The following ARL2 variants were observed in gnomAD, a reference collection of about 807,000 sequenced individuals.
ARL2 encodes ARF like GTPase 2.
In ARL2, 11 loss-of-function variants were observed where a neutral mutation model predicts 22.0. The observed-to-expected ratio is 0.50, with a 90% CI of 0.31 to 0.83. The LOEUF (loss-of-function observed/expected upper bound fraction) is 0.83, where lower values mean the gene tolerates loss of function less well. Ranked by LOEUF, ARL2 falls within the 40% of genes least tolerant of loss-of-function variation. The probability of loss-of-function intolerance (pLI) is 0.04; values close to 1 mark genes in which losing one functional copy is unlikely to be tolerated. For synonymous variants in ARL2, 111 were observed against 100.8 expected, an observed-to-expected ratio of 1.10 and a Z score of -0.61; for missense variants, 216 against 243.2, an observed-to-expected ratio of 0.89 and a Z score of 0.74.
chr11:65,015,195 C>A (rs1036055640), intron 1 of ARL2, among the ~76,000 whole-genome samples: 1 of 152,168 alleles, frequency 6.6e-6, no homozygotes, highest in Non-Finnish European at 1.5e-5. Context: ...CTCGCTGCAA[C>A]CTCCGCCCCC....
chr11:65,021,747 C>T lies in ARL2; in HGVS notation c.447C>T (p.Ser149=). The T allele has an allele frequency of 1.9e-6, 3 of 1,608,160 alleles. No individual in the cohort carries two copies. Among genetic ancestry groups the T allele is most frequent in the Non-Finnish European group, 2.5e-6 (3 of 1,177,268 alleles). Residue 149 remains serine, a synonymous_variant, in exon 5 of 5, where the codon AGC becomes AGT. Transcript: ENST00000246747. Reference sequence around the variant, plus strand: ...TCCTGGAGCTGGACTCCATCCGCAGCCACCACTGGTGCATCCAGGGCTGCA... The same window carrying T: ...TCCTGGAGCTGGACTCCATCCGCAGTCACCACTGGTGCATCCAGGGCTGCA... The part of the protein sequence containing the change: ...REVLELDSIR[S]HHWCIQGCSA...
chr11:65,014,382 C>A, intron 1 of ARL2, 110 bp downstream of exon 1: 1 of 894,094 alleles, frequency 1.1e-6, no homozygotes, highest in Non-Finnish European at 1.6e-6. Flanking sequence ...TCCCAACTGC[C>A]CCTGGCGTCA....
chr11:65,018,995 C>T lies in ARL2; in HGVS notation c.339+262C>T, dbSNP rs1946294657. On this transcript the variant is annotated intron_variant, in intron 3 of 4. Transcript: ENST00000246747. The surrounding 1 kb of genome is among the most constrained non-coding windows in gnomAD (Gnocchi z 4.2). ...GAAATGGTGATGATGACACCCACAT[C>T]ACTGGGCTTTAGGGAGGATAACCCA... is the stretch of plus-strand genomic sequence containing the variant. The T allele has an allele frequency of 1.4e-6, 2 of 1,415,420 alleles. No homozygotes were observed. The highest frequency in any genetic ancestry group is 6.1e-5 in the East Asian group (2 of 32,956). The allele number at this position is 1,415,420 out of a possible 1,614,324, so 87.7% of individuals were successfully genotyped here.
In ARL2 at chr11:65,018,166, A is replaced by C. The variant is rs1481518879; in HGVS notation, c.66-198A>C. On this transcript the variant is annotated intron_variant, in intron 1 of 4. Transcript: ENST00000246747. This position sits in a 1 kb window ranked among gnomAD's most constrained non-coding sequence, Gnocchi z 4.2. ...GTCTGGCACATAGTAGGTGTTCAACAAATTAAGGAGCCTTTGGTCAGTAGA... is the reference window on the plus strand; with the variant it reads ...GTCTGGCACATAGTAGGTGTTCAACCAATTAAGGAGCCTTTGGTCAGTAGA... 6.6e-6 allele frequency among the ~76,000 whole-genome samples: 1 copy of C among 152,210 alleles called. No individual in the cohort carries two copies. Among genetic ancestry groups the C allele is most frequent in the Non-Finnish European group, 1.5e-5 (1 of 68,036 alleles).
At chr11:65,021,446 C>T (rs1946326333) in intron 4 of ARL2, 6 of 400,682 alleles carry the variant, frequency 1.5e-5, no homozygotes, top group Non-Finnish European at 2.3e-5. Flanking sequence ...GTGTGGGGCT[C>T]CTAGCACGAT....
chr11:65,018,313 G>C lies in ARL2; in HGVS notation c.66-51G>C. 1 of 1,496,726 alleles carries C rather than the reference G, an allele frequency of 6.7e-7. No homozygotes were observed. The highest frequency in any genetic ancestry group is 9.1e-7 in the Non-Finnish European group (1 of 1,097,406). 92.7% of individuals were successfully genotyped at this position (1,496,726 alleles called of 1,614,324 possible). On this transcript the variant is annotated intron_variant, in intron 1 of 4. Coordinates refer to ENST00000246747, the MANE Select transcript of ARL2 (RefSeq NM_001667.4). This position sits in a 1 kb window ranked among gnomAD's most constrained non-coding sequence, Gnocchi z 4.2. ...GTCCCCTAAGGGGCTCTGCAACAAT[G>C]TCACCACCTGGCAGAGAACAGGGAC...
chr11:65,018,406 C>T lies in ARL2; in HGVS notation c.108C>T (p.Phe36=), dbSNP rs765147433. The change falls in exon 2 of 5, where the codon TTC becomes TTT. Residue 36 remains phenylalanine, a synonymous_variant. Transcript: ENST00000246747. The surrounding 1 kb of genome is among the most constrained non-coding windows in gnomAD (Gnocchi z 4.2). The stretch of plus-strand genomic sequence containing the variant: ...GAAAGACAACCATCCTGAAGAAGTT[C>T]AATGGGGAGGACATCGACACCATCT... ...NAGKTTILKK[F]NGEDIDTISP... 9.3e-6 allele frequency: 15 copies of T among 1,609,294 alleles called. No homozygotes were observed. The Admixed American group carries it at 1.4e-4, about 15-fold the overall frequency.
Position 65,018,408 on chromosome 11 carries a change from A to G in ARL2, c.110A>G (p.Asn37Ser), listed in dbSNP as rs201673198. 8 of 1,609,766 alleles carry G rather than the reference A, an allele frequency of 5.0e-6. No homozygotes were observed. In the South Asian group the frequency reaches 6.7e-5, roughly 13 times the overall value. The change falls in exon 2 of 5, where the codon AAT becomes AGT. Residue 37 changes from asparagine to serine, a missense_variant. Transcript: ENST00000246747. This position sits in a 1 kb window ranked among gnomAD's most constrained non-coding sequence, Gnocchi z 4.2. ...AAGACAACCATCCTGAAGAAGTTCA[A>G]TGGGGAGGACATCGACACCATCTCC... ...AGKTTILKKF[N>S]GEDIDTISPT...
intron 3 of ARL2, chr11:65,019,028 T>A (rs1166034889): frequency 4.3e-6 from 5 of 1,172,746 alleles, no homozygotes; most frequent in Non-Finnish European, 5.7e-6. Context: ...CCAAGGCCAG[T>A]ATGAAGCTTC....
Position 65,018,131 on chromosome 11 carries a change from C to T in ARL2, c.66-233C>T, listed in dbSNP as rs1009518073. Among the ~76,000 whole-genome samples, 5 of 152,146 alleles carry T rather than the reference C, an allele frequency of 3.3e-5. No individual in the cohort carries two copies. Among genetic ancestry groups the T allele is most frequent in the African/African-American group, 1.2e-4 (5 of 41,424 alleles). On this transcript the variant is annotated intron_variant, in intron 1 of 4. Coordinates refer to ENST00000246747, the MANE Select transcript of ARL2 (RefSeq NM_001667.4). The surrounding 1 kb of genome is among the most constrained non-coding windows in gnomAD (Gnocchi z 4.2). The stretch of plus-strand genomic sequence containing the variant: ...AGGGCAGGGCTTTGTCCTCTAGCAC[C>T]CAGAAGAGGGTCTGGCACATAGTAG...
chr11:65,016,277 G>GT (rs1198070940), intron 1 of ARL2, among the ~76,000 whole-genome samples: 8 of 141,840 alleles, frequency 5.6e-5, no homozygotes, highest in African/African-American at 2.0e-4. Context: ...TCGGGGGGGG[G>GT]GGAAACTTTA....
At chr11:65,017,125 G>T (rs1946266214) in intron 1 of ARL2, among the ~76,000 whole-genome samples, 1 of 152,082 alleles carries the variant, frequency 6.6e-6, no homozygotes. Flanking sequence ...CAACTATTTT[G>T]AGATTTCCTG....
At chr11:65,019,072 T>C in intron 3 of ARL2, 1 of 691,894 alleles carries the variant, frequency 1.4e-6, no homozygotes, top group Non-Finnish European at 2.1e-6. Flanking sequence ...AGAGTCTGAC[T>C]CTTTGCTGTG....
intron 1 of ARL2, among the ~76,000 whole-genome samples, chr11:65,015,263 G>A (rs1253291171): frequency 1.3e-5 from 2 of 152,096 alleles, no homozygotes. Flanking sequence ...ACAGGTGCCC[G>A]CCACCACGCC....
chr11:65,022,009 C>T lies in ARL2; in HGVS notation c.*154C>T, dbSNP rs566554615. On this transcript the variant is annotated 3_prime_UTR_variant, in exon 5 of 5. Transcript: ENST00000246747. The stretch of plus-strand genomic sequence containing the variant: ...CTGCTGCCCGCTGCTGCTCTGTGGC[C>T]ACCCGGCTCCCATGGCGGGAGGGCT... 180 of 1,157,356 alleles carry T rather than the reference C, an allele frequency of 1.6e-4. 1 individual carries two copies. The South Asian group carries it at 2.2e-3, about 14-fold the overall frequency. The allele number at this position is 1,157,356 out of a possible 1,614,324, so 71.7% of individuals were successfully genotyped here. A position where few individuals can be genotyped will look rare whatever the true frequency, so the allele number is the denominator to read the frequency against.
chr11:65,018,348 A>T lies in ARL2; in HGVS notation c.66-16A>T. 2 of 1,583,134 alleles carry T rather than the reference A, an allele frequency of 1.3e-6. No individual in the cohort carries two copies. The highest frequency in any genetic ancestry group is 1.7e-6 in the Non-Finnish European group (2 of 1,164,634). On this transcript the variant is annotated splice_polypyrimidine_tract_variant and intron_variant, in intron 1 of 4. Transcript: ENST00000246747. This position sits in a 1 kb window ranked among gnomAD's most constrained non-coding sequence, Gnocchi z 4.2. ...GGCAGAGAACAGGGACTTCTCCTTA[A>T]CCTGCTGCGCCCCAGTGGCCTGGAC...
rs183098416 is a variant in ARL2 at position 65,018,930 on chromosome 11, G to T, written c.339+197G>T. The T allele has an allele frequency of 2.6e-6, 4 of 1,527,994 alleles. No individual in the cohort carries two copies. In the African/African-American group the frequency reaches 5.5e-5, roughly 21 times the overall value. The allele number at this position is 1,527,994 out of a possible 1,614,324, so 94.7% of individuals were successfully genotyped here. ...GAGATTGAGTTAACGTCCCTGTGGT[G>T]TTACTACGTCACTACCCTGAGCATC... On this transcript the variant is annotated intron_variant, in intron 3 of 4. Transcript: ENST00000246747. The surrounding 1 kb of genome is among the most constrained non-coding windows in gnomAD (Gnocchi z 4.2).
chr11:65,018,876 T>G lies in ARL2; in HGVS notation c.339+143T>G. On this transcript the variant is annotated intron_variant, in intron 3 of 4. Transcript: ENST00000246747. This position sits in a 1 kb window ranked among gnomAD's most constrained non-coding sequence, Gnocchi z 4.2. ...GGCCCCCACCATGGGAGGCCCATGGTGCCAGAGGCAGGACACATGCTGTGG... is the reference window on the plus strand; with the variant it reads ...GGCCCCCACCATGGGAGGCCCATGGGGCCAGAGGCAGGACACATGCTGTGG... 6.5e-7 allele frequency: 1 copy of G among 1,536,634 alleles called. No individual in the cohort carries two copies. The highest frequency in any genetic ancestry group is 8.7e-7 in the Non-Finnish European group (1 of 1,147,220).
At position 65,014,203 on chromosome 11, in the gene ARL2, G is replaced by A; in HGVS notation, c.-5G>A. 2 of 1,567,360 alleles carry A rather than the reference G, an allele frequency of 1.3e-6. No homozygotes were observed. Among genetic ancestry groups the A allele is most frequent in the South Asian group, 2.3e-5 (2 of 85,874 alleles). ...AACGGCGGCCGGGAGGGGGCTCCGG[G>A]GACCATGGGGCTCCTGACCATTCTG... On this transcript the variant is annotated 5_prime_UTR_variant, in exon 1 of 5. Transcript: ENST00000246747.
Sources: allele counts gnomAD v4.1 joint callset (sites outside exome capture counted in the v4.1 genomes callset), GRCh38; gene constraint gnomAD v4.1.1; non-coding constraint Gnocchi (gnomAD v3.1); transcripts MANE v1.5; gene names NCBI Gene and HGNC (gene_info 2026-07-23, HGNC 2026-07-21).